DLGAP2: variants seen among roughly 807,000 people sequenced by gnomAD.
The protein encoded by DLGAP2 is disks large-associated protein 2.
A neutral mutation model predicts 100.3 loss-of-function variants in DLGAP2; 26 were observed. The ratio of observed to expected loss-of-function variants is 0.26; its 90% CI spans 0.19 to 0.36. The LOEUF (loss-of-function observed/expected upper bound fraction) is 0.36, where lower values mean the gene tolerates loss of function less well. Among genes scored for constraint, DLGAP2 ranks in the 10% least tolerant of loss-of-function variants. The probability of loss-of-function intolerance (pLI) is 1.00; values close to 1 mark genes in which losing one functional copy is unlikely to be tolerated. For synonymous variants in DLGAP2, 886 were observed against 630.1 expected, an observed-to-expected ratio of 1.41 and a Z score of -6.08; for missense variants, 1,858 against 1,453.2, an observed-to-expected ratio of 1.28 and a Z score of -4.53.
chr8:1,589,483 C>T (rs569496718), intron 6 of DLGAP2, among the ~76,000 whole-genome samples: 1 of 152,320 alleles, frequency 6.6e-6, no homozygotes, highest in African/African-American at 2.4e-5. Flanking sequence ...GTTGCCCAGG[C>T]TGGAGTGCAG....
At chr8:1,467,860 G>A (rs999735865) in intron 3 of DLGAP2, among the ~76,000 whole-genome samples, 2 of 151,168 alleles carry the variant, frequency 1.3e-5, no homozygotes, top group East Asian at 3.9e-4. Context: ...ACTTGGCTCT[G>A]AGATCCCAGA....
At chr8:1,410,723 G>A (rs149931934) in intron 3 of DLGAP2, among the ~76,000 whole-genome samples, 68 of 152,286 alleles carry the variant, frequency 4.5e-4, no homozygotes, top group Admixed American at 1.6e-3. Flanking sequence ...CCACGTCCAG[G>A]TCAAGGGATC....
At chr8:1,181,630 C>G (rs1461367224) in intron 2 of DLGAP2, among the ~76,000 whole-genome samples, 1 of 151,988 alleles carries the variant, frequency 6.6e-6, no homozygotes, top group African/African-American at 2.4e-5. Context: ...ACAATAAGCC[C>G]CCACGACCCA....
intron 3 of DLGAP2, among the ~76,000 whole-genome samples, chr8:1,463,228 G>C (rs550310238): frequency 6.6e-6 from 1 of 152,340 alleles, no homozygotes; most frequent in East Asian, 1.9e-4. Flanking sequence ...CAGCCTGGGT[G>C]ACAGGGCAAG....
intron 1 of DLGAP2, among the ~76,000 whole-genome samples, chr8:832,197 T>C (rs1796796446): frequency 6.6e-6 from 1 of 152,260 alleles, no homozygotes; most frequent in Admixed American, 6.5e-5. Context: ...TCTTTTGCTG[T>C]GCAGAAGTTC....
intron 11 of DLGAP2, among the ~76,000 whole-genome samples, chr8:1,677,195 G>C (rs1033578020): frequency 6.6e-6 from 1 of 152,218 alleles, no homozygotes; most frequent in Non-Finnish European, 1.5e-5. Context: ...ATGTGTGACA[G>C]GGACAGTGTT....
chr8:810,431 A>G (rs372865325), intron 1 of DLGAP2, among the ~76,000 whole-genome samples: 8 of 152,266 alleles, frequency 5.3e-5, no homozygotes, highest in African/African-American at 1.9e-4. Context: ...ACAATAGCAG[A>G]TATGAAGTTG....
chr8:1,135,527 T>TTTTTTTC (rs57918618), intron 2 of DLGAP2, among the ~76,000 whole-genome samples: 1 of 146,856 alleles, frequency 6.8e-6, no homozygotes, highest in Non-Finnish European at 1.5e-5. Context: ...TTTTTTTTTT[T>TTTTTTTC]GTCCATATCT....
intron 4 of DLGAP2, among the ~76,000 whole-genome samples, chr8:1,509,884 C>T (rs1324705093): frequency 6.6e-6 from 1 of 152,150 alleles, no homozygotes; most frequent in Non-Finnish European, 1.5e-5. Flanking sequence ...CATCACCTGT[C>T]CAGGTTTAAA....
intron 3 of DLGAP2, among the ~76,000 whole-genome samples, chr8:1,476,645 CCCG>C (rs1798937774): frequency 1.3e-5 from 2 of 152,200 alleles, no homozygotes; most frequent in Admixed American, 6.5e-5. Context: ...GCCGGACCCA[CCCG>C]TGATGGCTGA....
At chr8:1,231,735 C>A (rs780310881) in intron 2 of DLGAP2, among the ~76,000 whole-genome samples, 1 of 152,046 alleles carries the variant, frequency 6.6e-6, no homozygotes, top group Non-Finnish European at 1.5e-5. Context: ...AACAGAAAAT[C>A]AAATAGTGAA....
chr8:894,275 C>G (rs1319779389), intron 1 of DLGAP2, among the ~76,000 whole-genome samples: 6 of 152,136 alleles, frequency 3.9e-5, no homozygotes, highest in Admixed American at 3.3e-4. Flanking sequence ...GGTTGTCACT[C>G]CAGCACGGTC....
intron 2 of DLGAP2, among the ~76,000 whole-genome samples, chr8:969,616 C>T (rs566048944): frequency 4.6e-5 from 7 of 152,018 alleles, no homozygotes; most frequent in Non-Finnish European, 1.0e-4. Flanking sequence ...CCTGTTGTGT[C>T]CTAGGTACTT....
At chr8:774,361 C>A (rs1290028328) in intron 1 of DLGAP2, among the ~76,000 whole-genome samples, 1 of 152,206 alleles carries the variant, frequency 6.6e-6, no homozygotes, top group Non-Finnish European at 1.5e-5. Flanking sequence ...AATTAGATCC[C>A]ATTTGTCAAT....
At chr8:1,504,361 G>A (rs11136402) in intron 4 of DLGAP2, among the ~76,000 whole-genome samples, 96,218 of 152,066 alleles carry the variant, frequency 0.63, 30,764 homozygotes, top group Admixed American at 0.71. Flanking sequence ...AACAAAGCTA[G>A]TTAACATCTT....
intron 2 of DLGAP2, among the ~76,000 whole-genome samples, chr8:1,188,500 A>G (rs1448491423): frequency 1.7e-5 from 2 of 120,730 alleles, no homozygotes; most frequent in Non-Finnish European, 3.1e-5. Flanking sequence ...CCCTCACGGA[A>G]TCTCACACGC....
chr8:1,314,242 G>C (rs73670746), intron 3 of DLGAP2, among the ~76,000 whole-genome samples: 11,194 of 152,220 alleles, frequency 0.074, 497 homozygotes, highest in Middle Eastern at 0.17. Flanking sequence ...TTGAGTTACT[G>C]TTGAGTTAGA....
intron 2 of DLGAP2, among the ~76,000 whole-genome samples, chr8:1,252,387 GTGTGT>G (rs761429243): frequency 1.3e-5 from 2 of 151,986 alleles, no homozygotes; most frequent in South Asian, 2.1e-4. Context: ...TGTCACATGG[GTGTGT>G]TGTGTTGTCC....
intron 4 of DLGAP2, among the ~76,000 whole-genome samples, chr8:1,537,882 G>C (rs112875666): frequency 0.013 from 1,909 of 152,318 alleles, 38 homozygotes; most frequent in African/African-American, 0.043. Context: ...TTAGGTGGGA[G>C]AGTTTAAGAA....
Sources: allele counts gnomAD v4.1 joint callset (sites outside exome capture counted in the v4.1 genomes callset), GRCh38; gene constraint gnomAD v4.1.1; transcripts MANE v1.5; gene names NCBI Gene and HGNC (gene_info 2026-07-23, HGNC 2026-07-21).